Variants in FYB1 observed in about 807,000 individuals in gnomAD.
The protein encoded by FYB1 is FYN binding protein 1.
In FYB1, 41 loss-of-function variants were observed where a neutral mutation model predicts 94.1. That is an observed-to-expected ratio of 0.44 (90% CI 0.34 to 0.57). The LOEUF (loss-of-function observed/expected upper bound fraction) is 0.57, where lower values mean the gene tolerates loss of function less well. FYB1 is among the 20% of genes least tolerant of loss of function. The pLI is 0.02. For synonymous variants in FYB1, 367 were observed against 353.2 expected, an observed-to-expected ratio of 1.04 and a Z score of -0.44; for missense variants, 1,050 against 976.8, an observed-to-expected ratio of 1.07 and a Z score of -1.00.
intron 2 of FYB1, among the ~76,000 whole-genome samples, chr5:39,157,559 A>C (rs1743865046): frequency 6.6e-6 from 1 of 152,228 alleles, no homozygotes; most frequent in Non-Finnish European, 1.5e-5. Context: ...AACTGAAATC[A>C]GGGAATTTTG....
chr5:39,125,419 CT>C (rs776005695), intron 12 of FYB1, among the ~76,000 whole-genome samples: 112 of 152,078 alleles, frequency 7.4e-4, no homozygotes, highest in Non-Finnish European at 1.1e-3. Flanking sequence ...TTTGGACAAA[CT>C]TAAGATGTTT....
chr5:39,171,145 C>T (rs1745213773), intron 2 of FYB1, among the ~76,000 whole-genome samples: 1 of 151,966 alleles, frequency 6.6e-6, no homozygotes, highest in Non-Finnish European at 1.5e-5. Context: ...AAAAAATTAG[C>T]TGGATGTGGT....
At chr5:39,136,990 C>T (rs150006494) in intron 7 of FYB1, among the ~76,000 whole-genome samples, 10 of 152,106 alleles carry the variant, frequency 6.6e-5, no homozygotes, top group East Asian at 3.9e-4. Context: ...CTGAGTGTAG[C>T]GTTTACTGGT....
chr5:39,127,059 C>CAAA (rs200980181), intron 11 of FYB1, among the ~76,000 whole-genome samples: 72 of 77,392 alleles, frequency 9.3e-4, no homozygotes, highest in Middle Eastern at 7.5e-3. Flanking sequence ...ACTCAGGTCT[C>CAAA]AAAAAAAAAA....
rs199573732 is a variant in FYB1 at position 39,183,030 on chromosome 5, G to T, written c.1135+18796C>A. ...TATAGGTGTCTTGTTTCCTTTTTTG[G>T]GGGGTAGAAGGGATGGAGTTTCACC... On this transcript the variant is annotated intron_variant, in intron 2 of 18. Coordinates refer to ENST00000512982, the MANE Select transcript of FYB1 (RefSeq NM_001465.6). Among the ~76,000 whole-genome samples the T allele has an allele frequency of 3.9e-5, 6 of 151,994 alleles. No individual in the cohort carries two copies. The East Asian group carries it at 1.2e-3, about 29-fold the overall frequency.
At chr5:39,252,175 AAAAT>A (rs549735048) in intron 1 of FYB1, among the ~76,000 whole-genome samples, 2 of 152,062 alleles carry the variant, frequency 1.3e-5, no homozygotes, top group South Asian at 4.1e-4. Flanking sequence ...AAAAAATAAA[AAAAT>A]AAAGAAATAA....
chr5:39,212,887 C>T (rs1424750306), intron 1 of FYB1: 1 of 152,094 alleles, frequency 6.6e-6, no homozygotes, highest in Non-Finnish European at 1.5e-5. Context: ...CATTCATTTT[C>T]TTCTGAGTGT....
chr5:39,181,355 T>C (rs1355719623), intron 2 of FYB1, among the ~76,000 whole-genome samples: 1 of 150,820 alleles, frequency 6.6e-6, no homozygotes, highest in East Asian at 1.9e-4. Flanking sequence ...ATGTGGCTAG[T>C]GCAACTGAGG....
intron 1 of FYB1, chr5:39,270,719 G>A: frequency 1.7e-6 from 1 of 583,420 alleles, no homozygotes; most frequent in Non-Finnish European, 2.8e-6. Flanking sequence ...GATATGTGAG[G>A]CTACATTTGC....
intron 9 of FYB1, among the ~76,000 whole-genome samples, chr5:39,131,037 G>A (rs1338118324): frequency 6.6e-6 from 1 of 151,940 alleles, no homozygotes; most frequent in Non-Finnish European, 1.5e-5. Context: ...TTTGACCACA[G>A]CATTTTACTC....
At chr5:39,148,070 A>G (rs971010135) in intron 3 of FYB1, among the ~76,000 whole-genome samples, 14 of 146,588 alleles carry the variant, frequency 9.6e-5, no homozygotes, top group African/African-American at 3.5e-4. Context: ...TAGGGAAGCC[A>G]TTGCTCCCCG....
At chr5:39,186,149 AT>A (rs1746765738) in intron 2 of FYB1, among the ~76,000 whole-genome samples, 1 of 152,130 alleles carries the variant, frequency 6.6e-6, no homozygotes, top group Admixed American at 6.5e-5. Flanking sequence ...AAAATCAAGA[AT>A]TTTCAAACAT....
Position 39,107,391 on chromosome 5 carries a change from C to T in FYB1, c.*52G>A. The T allele has an allele frequency of 7.3e-7, 1 of 1,363,810 alleles. No individual in the cohort carries two copies. Among genetic ancestry groups the T allele is most frequent in the South Asian group, 1.7e-5 (1 of 59,252 alleles). The allele number at this position is 1,363,810 out of a possible 1,614,324, so 84.5% of individuals were successfully genotyped here. A position where few individuals can be genotyped will look rare whatever the true frequency, so the allele number is the denominator to read the frequency against. On this transcript the variant is annotated 3_prime_UTR_variant, in exon 19 of 19. Coordinates refer to ENST00000512982, the MANE Select transcript of FYB1 (RefSeq NM_001465.6). ...ACCCAATAACATGCCAATTAAAATC[C>T]AGACTTCACATTGGCACCTAATGAA...
chr5:39,191,035 A>G (rs1747310836), intron 2 of FYB1, among the ~76,000 whole-genome samples: 1 of 152,190 alleles, frequency 6.6e-6, no homozygotes, highest in Non-Finnish European at 1.5e-5. Flanking sequence ...CCACAAATAC[A>G]GGTTTCTTTC....
chr5:39,157,854 A>C (rs145337188), intron 2 of FYB1, among the ~76,000 whole-genome samples: 2 of 152,282 alleles, frequency 1.3e-5, no homozygotes, highest in African/African-American at 4.8e-5. Flanking sequence ...GGTCTTCTGG[A>C]CAGTGCAGGA....
At chr5:39,188,030 G>T (rs1335454209) in intron 2 of FYB1, among the ~76,000 whole-genome samples, 2 of 152,068 alleles carry the variant, frequency 1.3e-5, no homozygotes, top group African/African-American at 4.8e-5. Flanking sequence ...GTGTTCTGTG[G>T]GTAGAACACG....
chr5:39,201,252 G>A (rs1017748770), intron 2 of FYB1, among the ~76,000 whole-genome samples: 1 of 152,104 alleles, frequency 6.6e-6, no homozygotes, highest in Non-Finnish European at 1.5e-5. Context: ...CTGTACTATT[G>A]ACATTATGGC....
At chr5:39,140,696 CA>C (rs1276387100) in intron 4 of FYB1, among the ~76,000 whole-genome samples, 18 of 152,112 alleles carry the variant, frequency 1.2e-4, no homozygotes, top group Admixed American at 8.5e-4. Flanking sequence ...GGATGCATAC[CA>C]TGGAGTACAG....
At chr5:39,160,528 A>T (rs1744150298) in intron 2 of FYB1, among the ~76,000 whole-genome samples, 1 of 152,210 alleles carries the variant, frequency 6.6e-6, no homozygotes, top group Non-Finnish European at 1.5e-5. Flanking sequence ...CACCAGAAAC[A>T]ATTTTCAACA....
Sources: gnomAD v4.1 joint callset for allele counts (sites outside exome capture counted in the v4.1 genomes callset) on GRCh38, gnomAD v4.1.1 for gene constraint, MANE v1.5 for transcripts, NCBI Gene and HGNC (gene_info 2026-07-23, HGNC 2026-07-21) for gene names.